Variants in SHOX observed in about 807,000 individuals in gnomAD.
The protein encoded by SHOX is SHOX homeobox.
In SHOX, 12 loss-of-function variants were observed where a neutral mutation model predicts 29.6. The ratio of observed to expected loss-of-function variants is 0.41; its 90% confidence interval spans 0.26 to 0.66. SHOX has a LOEUF of 0.66. SHOX is among the 30% of genes least tolerant of loss of function. SHOX has a pLI of 0.35. For synonymous variants in SHOX, 214 were observed against 200.6 expected, an observed-to-expected ratio of 1.07 and a Z score of -0.57; for missense variants, 499 against 437.7, an observed-to-expected ratio of 1.14 and a Z score of -1.25.
downstream of SHOX, among the ~76,000 whole-genome samples, chrX:652,238 C>T (rs747434993): frequency 4.2e-4 from 64 of 151,700 alleles, no homozygotes; most frequent in African/African-American, 1.3e-3. Context: ...GACAGTGGCA[C>T]GGATTTTCCA....
intron 2 of SHOX, among the ~76,000 whole-genome samples, chrX:639,816 A>G (rs1431717784): frequency 6.6e-6 from 1 of 151,114 alleles, no homozygotes; most frequent in African/African-American, 2.4e-5. Flanking sequence ...AGCCTGGCCA[A>G]CATGGTGAAA....
At chrX:634,915 G>T in intron 2 of SHOX, 89 bp downstream of exon 2, 1 of 1,381,836 alleles carries the variant, frequency 7.2e-7, no homozygotes. Context: ...CTGCGCCCGG[G>T]CCGCCGCCGT....
chrX:639,928 G>T (rs1473954906), intron 2 of SHOX, among the ~76,000 whole-genome samples: 4 of 152,064 alleles, frequency 2.6e-5, no homozygotes, highest in Non-Finnish European at 4.4e-5. Context: ...TTGAACCTGG[G>T]AGGTGGACGT....
chrX:657,830 T>C (rs1039078480), intron 5 of SHOX, among the ~76,000 whole-genome samples: 1 of 152,140 alleles, frequency 6.6e-6, no homozygotes. Flanking sequence ...GGAAGCTAAA[T>C]GGGGTATGAC....
chrX:638,854 G>A (rs183828916), intron 2 of SHOX, among the ~76,000 whole-genome samples: 1 of 152,256 alleles, frequency 6.6e-6, no homozygotes, highest in African/African-American at 2.4e-5. Flanking sequence ...CCGCCTTGGC[G>A]GAGGACGCCT....
upstream of SHOX, among the ~76,000 whole-genome samples, chrX:626,742 G>C (rs1452259926): frequency 2.1e-5 from 3 of 142,772 alleles, no homozygotes; most frequent in African/African-American, 2.6e-5. Flanking sequence ...GTCTCTCTCT[G>C]TGTCTCTACC....
chrX:633,416 A>T (rs28574910), intron 1 of SHOX, among the ~76,000 whole-genome samples: 66,306 of 147,866 alleles, frequency 0.45, 15,116 homozygotes, highest in African/African-American at 0.58. Flanking sequence ...CACGTGTCTG[A>T]TAGGAGGTGA....
In SHOX at chrX:644,513, G is replaced by A. The variant is rs771558664; in HGVS notation, c.756G>A (p.Ser252=). Reference sequence around the variant, plus strand: ...CGCCCTTCGGGCTGCCCATCGCGTCGCTGGCCGAGTCCGCCTCGGCCGCCG... The same window carrying A: ...CGCCCTTCGGGCTGCCCATCGCGTCACTGGCCGAGTCCGCCTCGGCCGCCG... ...PPPPFGLPIA[S]LAESASAAAV... The change falls in exon 5 of 5, where the codon TCG becomes TCA. Residue 252 remains serine, a synonymous_variant. Transcript: ENST00000686671. The A allele has an allele frequency of 2.6e-6, 4 of 1,519,872 alleles. No homozygotes were observed. Among genetic ancestry groups the A allele is most frequent in the South Asian group, 1.2e-5 (1 of 82,272 alleles). The allele number at this position is 1,519,872 out of a possible 1,614,324, so 94.1% of individuals were successfully genotyped here.
upstream of SHOX, among the ~76,000 whole-genome samples, chrX:627,544 A>C (rs183315462): frequency 6.6e-6 from 1 of 152,214 alleles, no homozygotes; most frequent in Non-Finnish European, 1.5e-5. Flanking sequence ...TTGGAAAGGC[A>C]GAAAGTGTGC....
intron 2 of SHOX, among the ~76,000 whole-genome samples, chrX:639,275 TCCTTGGGCGTCCTCATGAC>T (rs957741141): frequency 2.0e-5 from 3 of 152,216 alleles, no homozygotes; most frequent in African/African-American, 7.2e-5. Context: ...AAGCCTGCTA[TCCTTGGGCGTCCTCATGAC>T]CCTTGGTCAT....
At chrX:644,111 C>T (rs1269391467) in intron 4 of SHOX, among the ~76,000 whole-genome samples, 1 of 152,092 alleles carries the variant, frequency 6.6e-6, no homozygotes, top group East Asian at 1.9e-4. Context: ...ATCGGGAGCT[C>T]CCCCTGAGGG....
At chrX:634,924 G>A in intron 2 of SHOX, 98 bp downstream of exon 2, 3 of 1,316,714 alleles carry the variant, frequency 2.3e-6, no homozygotes, top group Admixed American at 2.4e-5. Flanking sequence ...GGCCGCCGCC[G>A]TCCCCTTCCC....
intron 1 of SHOX, among the ~76,000 whole-genome samples, chrX:633,653 T>C (rs1414126060): frequency 6.6e-6 from 1 of 151,994 alleles, no homozygotes; most frequent in Non-Finnish European, 1.5e-5. Flanking sequence ...AACTTCCAAA[T>C]GTCAGCCCCT....
chrX:657,435 GGA>G (rs2053163016), intron 5 of SHOX, among the ~76,000 whole-genome samples: 2 of 152,102 alleles, frequency 1.3e-5, no homozygotes, highest in African/African-American at 4.8e-5. Flanking sequence ...GTATTTAAAG[GGA>G]GTGGATGTTA....
At chrX:632,869 A>T (rs1478847576) in intron 1 of SHOX, among the ~76,000 whole-genome samples, 1 of 152,102 alleles carries the variant, frequency 6.6e-6, no homozygotes, top group East Asian at 1.9e-4. Flanking sequence ...GAGGGTTCGC[A>T]GCGCCCGGCG....
chrX:635,880 G>T (rs1028538382), intron 2 of SHOX, among the ~76,000 whole-genome samples: 88 of 151,578 alleles, frequency 5.8e-4, no homozygotes, highest in African/African-American at 2.0e-3. Flanking sequence ...GAGAGAGAGA[G>T]AGAGACGGTC....
At chrX:629,507 ATCTC>A (rs1359220780), upstream of SHOX, among the ~76,000 whole-genome samples, 1 of 73,476 alleles carries the variant, frequency 1.4e-5, no homozygotes, top group South Asian at 4.3e-4. Context: ...CTCTCTCTCC[ATCTC>A]TCTCTCTCCC....
chrX:642,067 C>G (rs910993089), intron 4 of SHOX, among the ~76,000 whole-genome samples: 5 of 152,160 alleles, frequency 3.3e-5, no homozygotes, highest in Admixed American at 2.6e-4. Context: ...GGGGTTCGGT[C>G]GCGGAGCCCA....
intron 1 of SHOX, among the ~76,000 whole-genome samples, chrX:631,535 T>TTTG (rs1225295870): frequency 2.6e-5 from 4 of 151,842 alleles, no homozygotes; most frequent in Middle Eastern, 6.8e-3. Flanking sequence ...CCTTTTTTTG[T>TTTG]TTGTTTGTTT....
Sources: allele counts gnomAD v4.1 joint callset (sites outside exome capture counted in the v4.1 genomes callset), GRCh38; gene constraint gnomAD v4.1.1; transcripts MANE v1.5; gene names NCBI Gene and HGNC (gene_info 2026-07-23, HGNC 2026-07-21).